KCNQ1: variants seen among roughly 807,000 people sequenced by gnomAD.
The protein encoded by KCNQ1 is potassium voltage-gated channel subfamily KQT member 1.
In KCNQ1, 49 loss-of-function variants were observed where a neutral mutation model predicts 72.4. The observed-to-expected ratio is 0.68, with a 90% confidence interval of 0.54 to 0.86. The LOEUF (loss-of-function observed/expected upper bound fraction) is 0.86. KCNQ1 is among the 40% of genes least tolerant of loss of function. The probability of loss-of-function intolerance (pLI) is 0.00; values close to 1 mark genes in which losing one functional copy is unlikely to be tolerated. For synonymous variants in KCNQ1, 450 were observed against 412.6 expected (o/e 1.09, Z -1.10); for missense variants, 790 against 945.1 (o/e 0.84, Z 2.15).
At chr11:2,847,609 G>A (rs1380272158) in intron 15 of KCNQ1, among the ~76,000 whole-genome samples, 158 bp from the exon 16 acceptor site, 2 of 152,212 alleles carry the variant, frequency 1.3e-5, no homozygotes, top group Non-Finnish European at 2.9e-5. Flanking sequence ...GGGCCTTGCA[G>A]ACATAGGGTG....
intron 11 of KCNQ1, among the ~76,000 whole-genome samples, chr11:2,702,272 C>G (rs1850828354): frequency 6.6e-6 from 1 of 152,210 alleles, no homozygotes; most frequent in Non-Finnish European, 1.5e-5. Flanking sequence ...GGCCATTTTT[C>G]TTTGGGCCTT....
At position 2,690,273 on chromosome 11, in the gene KCNQ1, A is replaced by G; in HGVS notation, c.1514+28192A>G. The G allele has an allele frequency of 2.5e-6, 1 of 398,770 alleles. No homozygotes were observed. Among genetic ancestry groups the G allele is most frequent in the Non-Finnish European group, 4.4e-6 (1 of 226,140 alleles). The allele number at this position is 398,770 out of a possible 1,614,324, so 24.7% of individuals were successfully genotyped here. A position where few individuals can be genotyped will look rare whatever the true frequency, so the allele number is the denominator to read the frequency against. On this transcript the variant is annotated intron_variant, in intron 11 of 15. Coordinates refer to ENST00000155840, the MANE Select transcript of KCNQ1 (RefSeq NM_000218.3). This position sits in a 1 kb window ranked among gnomAD's most constrained non-coding sequence, Gnocchi z 5.1. ...CTGAGCTGCTCCTTGCTGCATCTGC[A>G]CATATGTGTAGTGTCTTCCTCCCTG...
At position 2,537,138 on chromosome 11, in the gene KCNQ1, T is replaced by G. The variant is rs893770466; in HGVS notation, c.477+9120T>G. Reference sequence around the variant, plus strand: ...GGATTAGGGCTTCATCATATGAATTTGAGGGCAACCCAGGGGTCTCCAAAC... The same window carrying G: ...GGATTAGGGCTTCATCATATGAATTGGAGGGCAACCCAGGGGTCTCCAAAC... On this transcript the variant is annotated intron_variant, in intron 2 of 15. Coordinates refer to ENST00000155840, the MANE Select transcript of KCNQ1 (RefSeq NM_000218.3). This position sits in a 1 kb window ranked among gnomAD's most constrained non-coding sequence, Gnocchi z 5.2. Among the ~76,000 whole-genome samples, 8 of 151,982 alleles carry G rather than the reference T, an allele frequency of 5.3e-5. No homozygotes were observed. The highest frequency in any genetic ancestry group is 2.6e-4 in the Admixed American group (4 of 15,282).
chr11:2,847,164 C>G (rs1848347881), intron 15 of KCNQ1, among the ~76,000 whole-genome samples: 1 of 152,076 alleles, frequency 6.6e-6, no homozygotes, highest in Admixed American at 6.5e-5. Context: ...CAAGCCCCTC[C>G]TGGAAGTGGC....
intron 1 of KCNQ1, among the ~76,000 whole-genome samples, chr11:2,500,810 C>T (rs556257709): frequency 3.8e-4 from 45 of 119,870 alleles, no homozygotes; most frequent in African/African-American, 1.2e-3. Context: ...CACTCATAAG[C>T]GGGAGTTGAA....
intron 10 of KCNQ1, chr11:2,633,077 G>T (rs1849389484): frequency 5.0e-6 from 2 of 398,252 alleles, no homozygotes; most frequent in African/African-American, 4.1e-5. Flanking sequence ...GCCAGCATTT[G>T]TTATGTTTTG....
At chr11:2,741,659 C>T (rs1009839337) in intron 11 of KCNQ1, among the ~76,000 whole-genome samples, 1 of 152,228 alleles carries the variant, frequency 6.6e-6, no homozygotes, top group South Asian at 2.1e-4. Flanking sequence ...GAGCATTCCA[C>T]CACCACTGGC....
At chr11:2,662,249 G>GGA (rs1446369738) in intron 11 of KCNQ1, 168 bp downstream of exon 11, 33 of 768,582 alleles carry the variant, frequency 4.3e-5, no homozygotes, top group Admixed American at 2.5e-4. Flanking sequence ...AGGCAAGAGA[G>GGA]GAGAGCAAGG....
intron 1 of KCNQ1, among the ~76,000 whole-genome samples, chr11:2,506,745 G>T (rs1448115745): frequency 6.6e-6 from 1 of 152,234 alleles, no homozygotes; most frequent in Non-Finnish European, 1.5e-5. Flanking sequence ...TTTTTCTACA[G>T]TTGCGCCAGC....
intron 11 of KCNQ1, among the ~76,000 whole-genome samples, chr11:2,733,749 G>A (rs537495588): frequency 9.4e-5 from 14 of 148,840 alleles, no homozygotes; most frequent in African/African-American, 2.0e-4. Flanking sequence ...GGGGTCTAGC[G>A]GGCAGGAGGG....
In KCNQ1 at chr11:2,446,797, A is replaced by G. The variant is rs758726398; in HGVS notation, c.386+1313A>G. Among the ~76,000 whole-genome samples the G allele has an allele frequency of 9.9e-5, 15 of 152,218 alleles. No homozygotes were observed. The highest frequency in any genetic ancestry group is 5.9e-4 in the Admixed American group (9 of 15,282). On this transcript the variant is annotated intron_variant, in intron 1 of 15. Coordinates refer to ENST00000155840, the MANE Select transcript of KCNQ1 (RefSeq NM_000218.3). The surrounding 1 kb of genome is among the most constrained non-coding windows in gnomAD (Gnocchi z 8.8). ...TGACATGTCAGTGGGTGCCTGAGCC[A>G]CAGCCGCTGCTGGTCTGTGAGAGGA...
chr11:2,710,015 C>T lies in KCNQ1; in HGVS notation c.1514+47934C>T, dbSNP rs75591462. Among the ~76,000 whole-genome samples, 1,774 of 152,198 alleles carry T rather than the reference C, an allele frequency of 0.012. 56 individuals are homozygous for T. Among genetic ancestry groups the T allele is most frequent in the East Asian group, 0.089 (462 of 5,166 alleles). ...TTGAGTATTCACAGAGGAGTAGAAA[C>T]GCTGGGTCATATGGTGACTCCATAT... On this transcript the variant is annotated intron_variant, in intron 11 of 15. Transcript: ENST00000155840. This position sits in a 1 kb window ranked among gnomAD's most constrained non-coding sequence, Gnocchi z 4.1.
chr11:2,733,857 C>CTCTCTGTCTCTCT (rs147278439), intron 11 of KCNQ1, among the ~76,000 whole-genome samples: 1 of 76,322 alleles, frequency 1.3e-5, no homozygotes, highest in Non-Finnish European at 2.5e-5. Context: ...CTCTCTCTCT[C>CTCTCTGTCTCTCT]CCCCCCCACT....
chr11:2,520,686 C>T (rs1264227015), intron 1 of KCNQ1, among the ~76,000 whole-genome samples: 2 of 152,196 alleles, frequency 1.3e-5, no homozygotes, highest in African/African-American at 2.4e-5. Flanking sequence ...GGAGGGAGAC[C>T]TGCTGGTGAC....
chr11:2,618,990 T>A, intron 10 of KCNQ1: 1 of 398,378 alleles, frequency 2.5e-6, no homozygotes, highest in East Asian at 3.6e-5. Flanking sequence ...ATTATTTGTG[T>A]ATAGAAATGC....
At chr11:2,666,627 C>T (rs1850073737) in intron 11 of KCNQ1, 3 of 398,514 alleles carry the variant, frequency 7.5e-6, no homozygotes, top group African/African-American at 2.1e-5. Context: ...AAGGGTGGCC[C>T]CAAATTTGGC....
At chr11:2,844,164 GT>G in intron 15 of KCNQ1, among the ~76,000 whole-genome samples, 1 of 152,354 alleles carries the variant, frequency 6.6e-6, no homozygotes, top group African/African-American at 2.4e-5. Context: ...GAGTGGTGGG[GT>G]GGGACTCTTC....
Position 2,642,653 on chromosome 11 carries a change from C to G in KCNQ1, c.1394-19308C>G. On this transcript the variant is annotated intron_variant, in intron 10 of 15. Transcript: ENST00000155840. This position sits in a 1 kb window ranked among gnomAD's most constrained non-coding sequence, Gnocchi z 4.3. ...TTGATCCTTTATATTTATTTAGTTT[C>G]TTGTTTAGTTCTGCTCTGATCTTCG... 2.5e-6 allele frequency: 1 copy of G among 397,530 alleles called. No individual in the cohort carries two copies. The highest frequency in any genetic ancestry group is 3.6e-5 in the East Asian group (1 of 27,920). 24.6% of individuals were successfully genotyped at this position (397,530 alleles called of 1,614,324 possible). A position where few individuals can be genotyped will look rare whatever the true frequency, so the allele number is the denominator to read the frequency against.
Position 2,624,167 on chromosome 11 carries a change from G to T in KCNQ1, c.1393+35313G>T. 1 of 398,532 alleles carries T rather than the reference G, an allele frequency of 2.5e-6. No individual in the cohort carries two copies. Among genetic ancestry groups the T allele is most frequent in the Non-Finnish European group, 4.4e-6 (1 of 226,036 alleles). 24.7% of individuals were successfully genotyped at this position (398,532 alleles called of 1,614,324 possible). A position where few individuals can be genotyped will look rare whatever the true frequency, so the allele number is the denominator to read the frequency against. On this transcript the variant is annotated intron_variant, in intron 10 of 15. Transcript: ENST00000155840. The surrounding 1 kb of genome is among the most constrained non-coding windows in gnomAD (Gnocchi z 4.9). ...TTTTAATTTCCATTTCCCTAATGAC[G>T]TAAGATGTGGGGCATCTTTTCATAT...
Sources: allele counts gnomAD v4.1 joint callset (sites outside exome capture counted in the v4.1 genomes callset), GRCh38; gene constraint gnomAD v4.1.1; non-coding constraint Gnocchi (gnomAD v3.1); transcripts MANE v1.5; gene names NCBI Gene and HGNC (gene_info 2026-07-23, HGNC 2026-07-21).